Variants in OLA1 observed in about 807,000 individuals in gnomAD.
OLA1 encodes Obg like ATPase 1, also known as obg-like ATPase 1.
OLA1 carries 14 observed loss-of-function variants against 48.4 expected under a neutral mutation model. The observed-to-expected ratio is 0.29, with a 90% CI of 0.19 to 0.45. The LOEUF (loss-of-function observed/expected upper bound fraction) is 0.45. OLA1 is among the 20% of genes least tolerant of loss of function. The pLI, the probability that OLA1 is intolerant of heterozygous loss-of-function variation, is 1.00. For missense variants in OLA1, 325 were observed against 467.1 expected (o/e 0.70, Z 2.80); for synonymous variants, 127 against 150.4 (o/e 0.84, Z 1.14).
At chr2:174,132,132 A>G (rs1312513297) in intron 5 of OLA1, among the ~76,000 whole-genome samples, 1 of 152,006 alleles carries the variant, frequency 6.6e-6, no homozygotes, top group Non-Finnish European at 1.5e-5. Context: ...TATTTTTCAA[A>G]TTCATTGCCA....
At chr2:174,176,892 C>T (rs946069926) in intron 4 of OLA1, among the ~76,000 whole-genome samples, 2 of 152,040 alleles carry the variant, frequency 1.3e-5, no homozygotes, top group African/African-American at 4.8e-5. Context: ...CATTTCTGTG[C>T]TATTTAGTTT....
chr2:174,100,486 C>T (rs1173474407), intron 7 of OLA1, among the ~76,000 whole-genome samples: 1 of 152,062 alleles, frequency 6.6e-6, no homozygotes, highest in Non-Finnish European at 1.5e-5. Context: ...TTCACTGCAG[C>T]CTCAAATTCC....
chr2:174,244,237 C>G (rs1433959330), intron 2 of OLA1, among the ~76,000 whole-genome samples: 2 of 152,144 alleles, frequency 1.3e-5, no homozygotes, highest in African/African-American at 2.4e-5. Flanking sequence ...GATCATTCTA[C>G]AAAAAGTAGT....
intron 5 of OLA1, among the ~76,000 whole-genome samples, chr2:174,137,692 T>C (rs181607513): frequency 6.6e-6 from 1 of 152,386 alleles, no homozygotes; most frequent in East Asian, 1.9e-4. Flanking sequence ...TATGGCTTCT[T>C]TTCTTAAACC....
At chr2:174,138,164 T>A (rs1046216620) in intron 5 of OLA1, among the ~76,000 whole-genome samples, 1 of 152,282 alleles carries the variant, frequency 6.6e-6, no homozygotes, top group Non-Finnish European at 1.5e-5. Context: ...TTTCAGCCTA[T>A]CTTAGCTGTC....
chr2:174,166,676 T>G (rs141822638), intron 4 of OLA1, among the ~76,000 whole-genome samples: 1 of 152,364 alleles, frequency 6.6e-6, no homozygotes, highest in Admixed American at 6.5e-5. Flanking sequence ...TTTAAATATC[T>G]ACAAAATTCT....
chr2:174,155,561 C>T (rs371465372), intron 4 of OLA1, among the ~76,000 whole-genome samples: 9 of 152,246 alleles, frequency 5.9e-5, no homozygotes, highest in African/African-American at 1.2e-4. Context: ...TCTCTTCATC[C>T]CTGAATTGCT....
chr2:174,246,059 A>C (rs1207884586), intron 2 of OLA1, among the ~76,000 whole-genome samples: 1 of 151,728 alleles, frequency 6.6e-6, no homozygotes, highest in Non-Finnish European at 1.5e-5. Flanking sequence ...CAGCACTATA[A>C]GAGGCTGAGG....
At chr2:174,183,647 C>T (rs568186998) in intron 4 of OLA1, among the ~76,000 whole-genome samples, 10 of 152,298 alleles carry the variant, frequency 6.6e-5, no homozygotes, top group African/African-American at 1.9e-4. Context: ...AAGCAAACAA[C>T]GATTTTGATC....
intron 7 of OLA1, among the ~76,000 whole-genome samples, chr2:174,094,129 C>T (rs1685189870): frequency 6.6e-6 from 1 of 152,160 alleles, no homozygotes; most frequent in Non-Finnish European, 1.5e-5. Context: ...AGAAACACTA[C>T]CTTAAAGAAG....
At chr2:174,134,030 C>T (rs1686244356) in intron 5 of OLA1, among the ~76,000 whole-genome samples, 1 of 152,170 alleles carries the variant, frequency 6.6e-6, no homozygotes, top group South Asian at 2.1e-4. Context: ...GAATCATTCA[C>T]GATGTGACCT....
At chr2:174,154,906 C>T (rs1452621431) in intron 4 of OLA1, among the ~76,000 whole-genome samples, 6 of 152,098 alleles carry the variant, frequency 3.9e-5, no homozygotes, top group Non-Finnish European at 8.8e-5. Flanking sequence ...ACTATCAATG[C>T]TTTCATTTCT....
At chr2:174,088,227 G>A (rs796122981) in intron 7 of OLA1, among the ~76,000 whole-genome samples, 50 of 152,294 alleles carry the variant, frequency 3.3e-4, no homozygotes, top group African/African-American at 1.1e-3. Flanking sequence ...TGGTATGGAT[G>A]TACCATTAAT....
intron 5 of OLA1, among the ~76,000 whole-genome samples, chr2:174,130,479 C>T (rs1283271050): frequency 1.3e-5 from 2 of 152,124 alleles, no homozygotes; most frequent in African/African-American, 4.8e-5. Context: ...ATAGTAAGAC[C>T]ACCCCCAGAA....
Position 174,155,057 on chromosome 2 carries a change from A to T in OLA1, c.374-13057T>A, listed in dbSNP as rs930767394. Among the ~76,000 whole-genome samples the T allele has an allele frequency of 2.0e-5, 3 of 152,294 alleles. No individual in the cohort carries two copies. In the South Asian group the frequency reaches 6.2e-4, roughly 32 times the overall value. ...ATCTCCATAGCAATATGCCTTCTCT[A>T]ACCATACCCTCTATTTGAACTGCCA... is the stretch of plus-strand genomic sequence containing the variant. On this transcript the variant is annotated intron_variant, in intron 4 of 10. Coordinates refer to ENST00000284719, the MANE Select transcript of OLA1 (RefSeq NM_013341.5).
chr2:174,103,098 C>G (rs1337264379), intron 7 of OLA1, among the ~76,000 whole-genome samples: 1 of 152,002 alleles, frequency 6.6e-6, no homozygotes, highest in Non-Finnish European at 1.5e-5. Context: ...TACTGGGGAA[C>G]ATCCACTGAG....
chr2:174,213,558 C>T (rs1222639836), intron 4 of OLA1, among the ~76,000 whole-genome samples: 1 of 151,960 alleles, frequency 6.6e-6, no homozygotes, highest in African/African-American at 2.4e-5. Flanking sequence ...ATTTAAAAAT[C>T]CAGCAATAGT....
chr2:174,208,272 T>G (rs976798398), intron 4 of OLA1, among the ~76,000 whole-genome samples: 1 of 152,178 alleles, frequency 6.6e-6, no homozygotes, highest in Non-Finnish European at 1.5e-5. Context: ...TCAGAATCGC[T>G]TAAAAATAGT....
intron 4 of OLA1, 26 bp downstream of exon 4, chr2:174,223,007 A>G (rs2105450611): frequency 6.3e-7 from 1 of 1,584,364 alleles, no homozygotes; most frequent in East Asian, 2.2e-5. Flanking sequence ...AATGAAATCA[A>G]TGATTAAATA....
Sources: gnomAD v4.1 joint callset for allele counts (sites outside exome capture counted in the v4.1 genomes callset) on GRCh38, gnomAD v4.1.1 for gene constraint, MANE v1.5 for transcripts, NCBI Gene and HGNC (gene_info 2026-07-23, HGNC 2026-07-21) for gene names.